Variants in TAMM41 observed in about 807,000 individuals in gnomAD.
The protein encoded by TAMM41 is TAM41 mitochondrial translocator assembly and maintenance homolog.
A neutral mutation model predicts 44.1 loss-of-function variants in TAMM41; 36 were observed. The ratio of observed to expected loss-of-function variants is 0.82; its 90% CI spans 0.63 to 1.08. The LOEUF (loss-of-function observed/expected upper bound fraction) is 1.08, where lower values mean the gene tolerates loss of function less well. Among genes scored for constraint, TAMM41 ranks in the 50% least tolerant of loss-of-function variants. The pLI, the probability that TAMM41 is intolerant of heterozygous loss-of-function variation, is 0.00. For synonymous variants in TAMM41, 164 were observed against 153.1 expected, an observed-to-expected ratio of 1.07 and a Z score of -0.53; for missense variants, 417 against 404.3, an observed-to-expected ratio of 1.03 and a Z score of -0.27.
At chr3:11,776,637 C>G in the TAMM41 span, among the ~76,000 whole-genome samples, 8 of 152,270 alleles carry the variant, frequency 5.3e-5, no homozygotes, top group African/African-American at 1.9e-4. Context: ...TAAGTGCACT[C>G]TATGACGCTC....
the TAMM41 span, among the ~76,000 whole-genome samples, chr3:11,731,835 A>C: frequency 5.3e-5 from 8 of 150,764 alleles, no homozygotes; most frequent in African/African-American, 9.8e-5. Context: ...CTTTATGTGA[A>C]TCCTGGGGTT....
At chr3:11,744,565 C>T in the TAMM41 span, among the ~76,000 whole-genome samples, 1,038 of 151,912 alleles carry the variant, frequency 6.8e-3, 14 homozygotes, top group African/African-American at 0.024. Flanking sequence ...CATGGTGGCA[C>T]GCACCTGTAA....
rs763427340 is a variant in TAMM41, at chr3:11,790,522, GCC to G, written c.995_996del (p.Trp332SerfsTer18). The G allele has an allele frequency of 3.1e-6, 5 of 1,614,034 alleles. No homozygotes were observed. The South Asian group carries it at 5.5e-5, about 18-fold the overall frequency. On this transcript the variant is annotated frameshift_variant, in exon 8 of 8. Transcript: ENST00000455809. LOFTEE classifies it high-confidence loss of function. ...SLKLHKMWKGWLRKTS is the reference protein window; with the variant it reads ...SLKLHKMWKGXLRKTS ...AAGCAAAATCAGGATGTTTTCCTCA[GCC>G]ACCCTTTCCACATTTTGTGCAGTTT...
the TAMM41 span, among the ~76,000 whole-genome samples, chr3:11,724,224 C>T: frequency 2.6e-5 from 4 of 151,256 alleles, no homozygotes; most frequent in Non-Finnish European, 5.9e-5. Flanking sequence ...CTGCCTCAGC[C>T]TCCTGAGTAG....
chr3:11,769,331 C>T, the TAMM41 span, among the ~76,000 whole-genome samples: 2 of 151,570 alleles, frequency 1.3e-5, no homozygotes, highest in Non-Finnish European at 2.9e-5. Flanking sequence ...CTCAAATAAT[C>T]CATCTGCCTT....
intron 7 of TAMM41, among the ~76,000 whole-genome samples, chr3:11,804,129 T>G (rs2077833153): frequency 6.6e-6 from 1 of 152,146 alleles, no homozygotes; most frequent in Non-Finnish European, 1.5e-5. Context: ...GGAAGCAGCA[T>G]CAGCACTCCA....
At chr3:11,732,999 T>G in the TAMM41 span, among the ~76,000 whole-genome samples, 3 of 106,670 alleles carry the variant, frequency 2.8e-5, no homozygotes, top group East Asian at 3.5e-4. Flanking sequence ...GTTTTTTTTT[T>G]GTTTGTTTGT....
intron 7 of TAMM41, among the ~76,000 whole-genome samples, chr3:11,803,001 G>A (rs1224839072): frequency 6.6e-6 from 1 of 152,216 alleles, no homozygotes. Flanking sequence ...CCTGGGCACA[G>A]TGACTTATAC....
rs769914930 is a variant in TAMM41, at chr3:11,844,012, G to A, written c.318+17C>T. 1 of 1,609,940 alleles carries A rather than the reference G, an allele frequency of 6.2e-7. No homozygotes were observed. The highest frequency in any genetic ancestry group is 1.1e-5 in the South Asian group (1 of 90,636). On this transcript the variant is annotated intron_variant, in intron 2 of 7. Coordinates refer to ENST00000455809, the MANE Select transcript of TAMM41 (RefSeq NM_001284401.2). ...AAATAACCAGCCAAGTTAAGACAAA[G>A]GCCAGCAGTCACTTACCCTACCATT...
intron 3 of TAMM41, among the ~76,000 whole-genome samples, chr3:11,835,012 T>C (rs982639422): frequency 6.6e-6 from 1 of 152,172 alleles, no homozygotes; most frequent in African/African-American, 2.4e-5. Flanking sequence ...AGACTTGAAT[T>C]ACTAGTGATT....
chr3:11,824,708 C>T (rs2078670003), intron 4 of TAMM41, among the ~76,000 whole-genome samples: 1 of 152,140 alleles, frequency 6.6e-6, no homozygotes, highest in Admixed American at 6.5e-5. Flanking sequence ...ATTTACTGAG[C>T]ACCTAGTACA....
At chr3:11,764,012 G>A in the TAMM41 span, among the ~76,000 whole-genome samples, 1 of 151,910 alleles carries the variant, frequency 6.6e-6, no homozygotes, top group African/African-American at 2.4e-5. Flanking sequence ...TTACTTTTTT[G>A]GTTGTTGTTG....
At chr3:11,734,376 G>A in the TAMM41 span, among the ~76,000 whole-genome samples, 1 of 152,136 alleles carries the variant, frequency 6.6e-6, no homozygotes, top group Admixed American at 6.5e-5. Flanking sequence ...ACATTGGGAG[G>A]GAAACTGGAT....
At chr3:11,780,042 CT>C in the TAMM41 span, among the ~76,000 whole-genome samples, 2 of 152,196 alleles carry the variant, frequency 1.3e-5, no homozygotes, top group Non-Finnish European at 2.9e-5. Flanking sequence ...ACCATCATCT[CT>C]CAACTAGATG....
At chr3:11,757,621 C>T in the TAMM41 span, among the ~76,000 whole-genome samples, 24 of 152,320 alleles carry the variant, frequency 1.6e-4, no homozygotes, top group South Asian at 2.3e-3. Flanking sequence ...TTATTCCTCG[C>T]GTGGATATCA....
At chr3:11,790,726 G>A in intron 7 of TAMM41, 145 bp from the exon 8 acceptor site, 1 of 671,746 alleles carries the variant, frequency 1.5e-6, no homozygotes, top group Non-Finnish European at 2.6e-6. Flanking sequence ...GGAGCTGAAG[G>A]TGATTAAAGG....
At chr3:11,774,745 A>T in the TAMM41 span, among the ~76,000 whole-genome samples, 1 of 152,148 alleles carries the variant, frequency 6.6e-6, no homozygotes, top group Non-Finnish European at 1.5e-5. Flanking sequence ...GCCACTTCTC[A>T]TTGCAACTTC....
At chr3:11,835,313 G>A (rs2079133036) in intron 3 of TAMM41, among the ~76,000 whole-genome samples, 1 of 152,010 alleles carries the variant, frequency 6.6e-6, no homozygotes, top group African/African-American at 2.4e-5. Flanking sequence ...TGGGAGCAAG[G>A]TAGAAGAGAG....
At chr3:11,746,800 A>AATTTTTTGT in the TAMM41 span, among the ~76,000 whole-genome samples, 6,009 of 151,058 alleles carry the variant, frequency 0.04, 392 homozygotes, top group African/African-American at 0.13. Flanking sequence ...ATGCCCAGCT[A>AATTTTTTGT]ATTTTTTGTA....
Sources: gnomAD v4.1 joint callset for allele counts (sites outside exome capture counted in the v4.1 genomes callset) on GRCh38, gnomAD v4.1.1 for gene constraint, MANE v1.5 for transcripts, NCBI Gene and HGNC (gene_info 2026-07-23, HGNC 2026-07-21) for gene names.